The following HSD17B12 variants were observed in gnomAD, a reference collection of about 807,000 sequenced individuals.
HSD17B12 encodes the protein hydroxysteroid 17-beta dehydrogenase 12.
In HSD17B12, 32 loss-of-function variants were observed where a neutral mutation model predicts 39.3. That is an observed-to-expected ratio of 0.81 (90% CI 0.61 to 1.09). The LOEUF is 1.09. Among genes scored for constraint, HSD17B12 ranks in the 50% least tolerant of loss-of-function variants. HSD17B12 has a pLI of 0.00. For synonymous variants in HSD17B12, 150 were observed against 146.7 expected (o/e 1.02, Z -0.16); for missense variants, 342 against 382.9 (o/e 0.89, Z 0.89).
At chr11:43,732,431 G>A (rs185197050) in intron 1 of HSD17B12, among the ~76,000 whole-genome samples, 16 of 152,184 alleles carry the variant, frequency 1.1e-4, no homozygotes, top group African/African-American at 3.9e-4. Context: ...CAAAAGGAAG[G>A]GGCAGCAGTT....
At chr11:43,595,385 G>A in the HSD17B12 span, among the ~76,000 whole-genome samples, 1 of 152,206 alleles carries the variant, frequency 6.6e-6, no homozygotes, top group African/African-American at 2.4e-5. Flanking sequence ...CAGATCAGCT[G>A]GTAAGTGATA....
At chr11:43,746,590 T>C (rs1278914203) in intron 1 of HSD17B12, among the ~76,000 whole-genome samples, 1 of 152,206 alleles carries the variant, frequency 6.6e-6, no homozygotes, top group Non-Finnish European at 1.5e-5. Context: ...TGAGGCTGTT[T>C]TACAGCTAAC....
the HSD17B12 span, among the ~76,000 whole-genome samples, chr11:43,580,018 G>A: frequency 6.6e-6 from 1 of 151,966 alleles, no homozygotes; most frequent in African/African-American, 2.4e-5. Context: ...CTGCTAGGGA[G>A]GGAGATAGTC....
intron 6 of HSD17B12, among the ~76,000 whole-genome samples, chr11:43,829,433 T>G (rs770231645): frequency 1.3e-5 from 2 of 152,228 alleles, no homozygotes; most frequent in Non-Finnish European, 2.9e-5. Context: ...TTATGGGGTT[T>G]TGTTTTGTCT....
chr11:43,696,622 T>A (rs1384525091), intron 1 of HSD17B12, among the ~76,000 whole-genome samples: 1 of 152,160 alleles, frequency 6.6e-6, no homozygotes, highest in East Asian at 1.9e-4. Context: ...TCCTCAAGGA[T>A]CTAGAACCAG....
Position 43,734,342 on chromosome 11 carries a change from T to A in HSD17B12, c.161-16569T>A, listed in dbSNP as rs564661049. ...TCAGCAGGAAGCAGAGAGGGCCAGA[T>A]CTGTGGTGGAAAAGGCTGAGCAGAG... On this transcript the variant is annotated intron_variant, in intron 1 of 10. Transcript: ENST00000278353. 141 of 997,728 alleles carry A rather than the reference T, an allele frequency of 1.4e-4. 1 individual carries two copies. The Middle Eastern group carries it at 2.1e-3, about 15-fold the overall frequency. The allele number at this position is 997,728 out of a possible 1,614,324, so 61.8% of individuals were successfully genotyped here. A position where few individuals can be genotyped will look rare whatever the true frequency, so the allele number is the denominator to read the frequency against.
the HSD17B12 span, among the ~76,000 whole-genome samples, chr11:43,572,531 G>C: frequency 6.6e-6 from 1 of 152,164 alleles, no homozygotes; most frequent in Non-Finnish European, 1.5e-5. Context: ...CTGATCCTTA[G>C]TTTTGTAACT....
At chr11:43,590,265 G>A in the HSD17B12 span, among the ~76,000 whole-genome samples, 1 of 135,696 alleles carries the variant, frequency 7.4e-6, no homozygotes, top group Non-Finnish European at 1.7e-5. Context: ...AATGATGACC[G>A]CATAAGGGGA....
At chr11:43,801,161 T>C (rs1376130792) in intron 4 of HSD17B12, among the ~76,000 whole-genome samples, 2 of 151,926 alleles carry the variant, frequency 1.3e-5, no homozygotes, top group African/African-American at 4.8e-5. Context: ...AAAAGAGCTA[T>C]ACTGCATTAT....
At chr11:43,619,183 A>T in the HSD17B12 span, among the ~76,000 whole-genome samples, 24 of 75,576 alleles carry the variant, frequency 3.2e-4, no homozygotes, top group African/African-American at 9.5e-4. Context: ...ATATATATAA[A>T]ATATATATAT....
chr11:43,589,381 T>C, the HSD17B12 span, among the ~76,000 whole-genome samples: 2 of 152,206 alleles, frequency 1.3e-5, no homozygotes, highest in Admixed American at 6.5e-5. Flanking sequence ...TGTGATATGG[T>C]CCCTACATTT....
At chr11:43,639,602 A>G in the HSD17B12 span, among the ~76,000 whole-genome samples, 1 of 152,026 alleles carries the variant, frequency 6.6e-6, no homozygotes, top group African/African-American at 2.4e-5. Context: ...CATCTCTTCT[A>G]TCCATAGAAG....
chr11:43,733,160 T>C (rs757610484), intron 1 of HSD17B12, among the ~76,000 whole-genome samples: 42 of 152,230 alleles, frequency 2.8e-4, no homozygotes, highest in Admixed American at 1.3e-4. Flanking sequence ...TTTGGAGTAT[T>C]TGTGTGTGCA....
the HSD17B12 span, among the ~76,000 whole-genome samples, chr11:43,631,031 C>T: frequency 6.6e-6 from 1 of 152,104 alleles, no homozygotes; most frequent in Non-Finnish European, 1.5e-5. Flanking sequence ...TCTCGAACTC[C>T]TGACCTCAGG....
At chr11:43,685,291 A>G (rs1438719594) in intron 1 of HSD17B12, among the ~76,000 whole-genome samples, 2 of 6,190 alleles carry the variant, frequency 3.2e-4, no homozygotes, top group Non-Finnish European at 3.0e-3. Flanking sequence ...ACATGCATCA[A>G]AGGATTCTCA....
At chr11:43,635,178 T>C in the HSD17B12 span, among the ~76,000 whole-genome samples, 1 of 152,224 alleles carries the variant, frequency 6.6e-6, no homozygotes, top group Non-Finnish European at 1.5e-5. Context: ...TTTTGTTTGT[T>C]TGAAAATTTC....
intron 4 of HSD17B12, among the ~76,000 whole-genome samples, chr11:43,808,077 A>G (rs1439842719): frequency 2.6e-5 from 4 of 152,176 alleles, no homozygotes; most frequent in Admixed American, 1.3e-4. Context: ...CAAGACAAGA[A>G]ACCCTGGATC....
the HSD17B12 span, among the ~76,000 whole-genome samples, chr11:43,614,799 A>T: frequency 2.6e-5 from 4 of 151,988 alleles, no homozygotes. Flanking sequence ...TACTTTTAAA[A>T]TTTTTATTTC....
At chr11:43,591,720 C>CT in the HSD17B12 span, among the ~76,000 whole-genome samples, 52 of 150,640 alleles carry the variant, frequency 3.5e-4, no homozygotes, top group African/African-American at 1.1e-3. Context: ...TTTTGTGTTT[C>CT]TTTTTTTTTG....
Sources: gnomAD v4.1 joint callset for allele counts (sites outside exome capture counted in the v4.1 genomes callset) on GRCh38, gnomAD v4.1.1 for gene constraint, MANE v1.5 for transcripts, NCBI Gene and HGNC (gene_info 2026-07-23, HGNC 2026-07-21) for gene names.